Variants in LYPD6B observed in about 807,000 individuals in gnomAD.
LYPD6B encodes the protein ly6/PLAUR domain-containing protein 6B.
A neutral mutation model predicts 22.8 loss-of-function variants in LYPD6B; 17 were observed. The ratio of observed to expected loss-of-function variants is 0.75; its 90% CI spans 0.51 to 1.12. The LOEUF is 1.12. Ranked by LOEUF, LYPD6B falls within the 50% of genes most tolerant of loss-of-function variation. The pLI is 0.00. For missense variants in LYPD6B, 221 were observed against 258.3 expected (o/e 0.86, Z 0.99); for synonymous variants, 106 against 91.6 (o/e 1.16, Z -0.90).
chr2:149,122,439 C>G (rs915101898), intron 1 of LYPD6B, among the ~76,000 whole-genome samples: 5 of 147,284 alleles, frequency 3.4e-5, no homozygotes, highest in Non-Finnish European at 6.0e-5. Context: ...TTTTATTATA[C>G]TTTAAGTTCT....
At chr2:149,158,468 G>A (rs1689845501) in intron 2 of LYPD6B, among the ~76,000 whole-genome samples, 1 of 152,128 alleles carries the variant, frequency 6.6e-6, no homozygotes, top group Non-Finnish European at 1.5e-5. Context: ...ACCTAGAATA[G>A]TCAAACTCAA....
intron 2 of LYPD6B, among the ~76,000 whole-genome samples, chr2:149,136,098 G>A (rs1310004085): frequency 6.6e-6 from 1 of 152,162 alleles, no homozygotes; most frequent in Non-Finnish European, 1.5e-5. Flanking sequence ...CTCCATATAT[G>A]TTTATTGAAT....
chr2:149,215,075 G>A lies in LYPD6B; in HGVS notation c.*365G>A, dbSNP rs1247437523. ...AGAGGCTGCCAGGTCAAACCCTCTT[G>A]TTTATGTGATTAGCTCAGAGCATCT... On this transcript the variant is annotated 3_prime_UTR_variant, in exon 7 of 7. Transcript: ENST00000409642. 1 of 225,672 alleles carries A rather than the reference G, an allele frequency of 4.4e-6. No homozygotes were observed. Among genetic ancestry groups the A allele is most frequent in the African/African-American group, 2.2e-5 (1 of 45,052 alleles). The allele number at this position is 225,672 out of a possible 1,614,324, so 14.0% of individuals were successfully genotyped here.
chr2:149,123,891 G>T (rs1423327355), intron 1 of LYPD6B, among the ~76,000 whole-genome samples: 2 of 152,174 alleles, frequency 1.3e-5, no homozygotes, highest in African/African-American at 4.8e-5. Context: ...ATTTAAAAAT[G>T]CTGTAAAAGA....
intron 2 of LYPD6B, among the ~76,000 whole-genome samples, chr2:149,145,987 G>A (rs918645295): frequency 1.3e-5 from 2 of 152,180 alleles, no homozygotes; most frequent in African/African-American, 4.8e-5. Flanking sequence ...GAGAAGATAA[G>A]GTGTGCAAAC....
intron 1 of LYPD6B, among the ~76,000 whole-genome samples, chr2:149,094,679 T>C (rs1333629041): frequency 6.6e-6 from 1 of 152,168 alleles, no homozygotes; most frequent in Non-Finnish European, 1.5e-5. Context: ...TATTTAAAAC[T>C]AAATAGTTAT....
intron 3 of LYPD6B, among the ~76,000 whole-genome samples, chr2:149,203,880 T>G (rs2106135193): frequency 6.6e-6 from 1 of 152,326 alleles, no homozygotes; most frequent in Non-Finnish European, 1.5e-5. Flanking sequence ...TAGTGACACA[T>G]GCAAAATCAG....
intron 3 of LYPD6B, among the ~76,000 whole-genome samples, chr2:149,203,853 C>G (rs192171817): frequency 1.4e-4 from 22 of 152,232 alleles, no homozygotes; most frequent in Admixed American, 9.8e-4. Flanking sequence ...AGTTCCATCC[C>G]CATGGGAAGG....
chr2:149,122,391 C>CT (rs199903508), intron 1 of LYPD6B, among the ~76,000 whole-genome samples: 9 of 150,900 alleles, frequency 6.0e-5, no homozygotes, highest in Non-Finnish European at 7.4e-5. Flanking sequence ...TTCTTTTTTT[C>CT]TTTTTTTTAA....
intron 3 of LYPD6B, among the ~76,000 whole-genome samples, chr2:149,182,167 T>C (rs1691778862): frequency 6.6e-6 from 1 of 152,216 alleles, no homozygotes; most frequent in African/African-American, 2.4e-5. Context: ...ATTTTTGTTA[T>C]TTAATAGTAA....
intron 3 of LYPD6B, among the ~76,000 whole-genome samples, chr2:149,186,908 A>T (rs229338): frequency 0.99 from 150,826 of 152,334 alleles, 74,686 homozygotes; most frequent in East Asian, 1. Flanking sequence ...AACTTTATTG[A>T]TGACTTAAGA....
chr2:149,161,764 A>G (rs1690077947), intron 3 of LYPD6B, among the ~76,000 whole-genome samples: 2 of 152,212 alleles, frequency 1.3e-5, no homozygotes, highest in Admixed American at 6.5e-5. Context: ...GGCCAGGGCC[A>G]TGTTTATGTT....
chr2:149,167,054 G>GT (rs113768121), intron 3 of LYPD6B, among the ~76,000 whole-genome samples: 5,692 of 144,770 alleles, frequency 0.039, 181 homozygotes, highest in African/African-American at 0.09. Flanking sequence ...TGCATTAAGT[G>GT]TTTTTTTTTT....
At chr2:149,054,888 A>G (rs1683719577) in intron 1 of LYPD6B, among the ~76,000 whole-genome samples, 1 of 152,076 alleles carries the variant, frequency 6.6e-6, no homozygotes, top group East Asian at 1.9e-4. Context: ...AAAAAAAAAA[A>G]AAAGTTTTTA....
At chr2:149,166,269 T>A (rs1332334723) in intron 3 of LYPD6B, among the ~76,000 whole-genome samples, 40 of 152,184 alleles carry the variant, frequency 2.6e-4, no homozygotes, top group South Asian at 4.1e-4. Context: ...TTGAACTCAA[T>A]TAAGTCCAGT....
chr2:149,140,098 C>T (rs1215173803), intron 2 of LYPD6B, among the ~76,000 whole-genome samples: 1 of 152,008 alleles, frequency 6.6e-6, no homozygotes, highest in Admixed American at 6.6e-5. Context: ...TGTATAAATT[C>T]ACAAACGTAT....
At chr2:149,182,366 G>A (rs971945171) in intron 3 of LYPD6B, among the ~76,000 whole-genome samples, 3 of 152,094 alleles carry the variant, frequency 2.0e-5, no homozygotes, top group Admixed American at 6.5e-5. Context: ...TACGTACTTC[G>A]TATAGATCTG....
intron 3 of LYPD6B, among the ~76,000 whole-genome samples, chr2:149,184,985 C>T (rs1691994344): frequency 6.6e-6 from 1 of 152,164 alleles, no homozygotes; most frequent in Admixed American, 6.5e-5. Flanking sequence ...CTTCTTTGTT[C>T]ATTCCAAGAT....
intron 1 of LYPD6B, among the ~76,000 whole-genome samples, chr2:149,073,483 C>A (rs1684740084): frequency 6.6e-6 from 1 of 152,110 alleles, no homozygotes; most frequent in Non-Finnish European, 1.5e-5. Context: ...CTTGTTCTTG[C>A]TGTCTTCCTG....
Sources: gnomAD v4.1 joint callset for allele counts (sites outside exome capture counted in the v4.1 genomes callset) on GRCh38, gnomAD v4.1.1 for gene constraint, MANE v1.5 for transcripts, NCBI Gene and HGNC (gene_info 2026-07-23, HGNC 2026-07-21) for gene names.